Variants in LRP1B observed in about 807,000 individuals in gnomAD.
The protein encoded by LRP1B is low-density lipoprotein receptor-related protein 1B.
LRP1B carries 217 observed loss-of-function variants against 556.6 expected under a neutral mutation model. The ratio of observed to expected loss-of-function variants is 0.39; its 90% CI spans 0.35 to 0.44. The LOEUF (loss-of-function observed/expected upper bound fraction) is 0.44. LRP1B is among the 20% of genes least tolerant of loss of function. The pLI, the probability that LRP1B is intolerant of heterozygous loss-of-function variation, is 1.00. For missense variants in LRP1B, 5,053 were observed against 5,620.8 expected (o/e 0.90, Z 3.23); for synonymous variants, 2,047 against 1,865.8 (o/e 1.10, Z -2.50).
chr2:141,664,495 G>A (rs923555160), intron 2 of LRP1B, among the ~76,000 whole-genome samples: 1 of 152,152 alleles, frequency 6.6e-6, no homozygotes, highest in Non-Finnish European at 1.5e-5. Flanking sequence ...TAGCTGATTA[G>A]CAACTTCAGC....
chr2:140,391,551 T>C lies in LRP1B; in HGVS notation c.10415-5542A>G, dbSNP rs149879238. ...ATTAAAATTACCTTGCTATTAGAATTGCAAGGAGTTTTTAAAAACCCAATT... is the reference window on the plus strand; with the variant it reads ...ATTAAAATTACCTTGCTATTAGAATCGCAAGGAGTTTTTAAAAACCCAATT... On this transcript the variant is annotated intron_variant, in intron 66 of 90. Coordinates refer to ENST00000389484, the MANE Select transcript of LRP1B (RefSeq NM_018557.3). Among the ~76,000 whole-genome samples the C allele has an allele frequency of 4.2e-3, 638 of 152,258 alleles. 4 individuals are homozygous for C. Among genetic ancestry groups the C allele is most frequent in the South Asian group, 0.017 (84 of 4,824 alleles).
At chr2:141,704,661 T>C (rs1692072415) in intron 2 of LRP1B, among the ~76,000 whole-genome samples, 1 of 151,912 alleles carries the variant, frequency 6.6e-6, no homozygotes. Flanking sequence ...TTAGCAGTCA[T>C]CTCAGACTAG....
intron 1 of LRP1B, among the ~76,000 whole-genome samples, chr2:141,816,217 G>T (rs1406643175): frequency 6.6e-6 from 1 of 152,156 alleles, no homozygotes; most frequent in Non-Finnish European, 1.5e-5. Context: ...TGCATTGAAG[G>T]ATGCAAAGTA....
intron 2 of LRP1B, among the ~76,000 whole-genome samples, chr2:141,583,657 T>C (rs1336194137): frequency 6.6e-6 from 1 of 151,636 alleles, no homozygotes; most frequent in East Asian, 1.9e-4. Flanking sequence ...ATTATATATA[T>C]AAACTATGAA....
chr2:140,334,630 A>T, intron 78 of LRP1B, 71 bp from the exon 79 acceptor site: 1 of 800,594 alleles, frequency 1.2e-6, no homozygotes, highest in Non-Finnish European at 2.0e-6. Context: ...TCCGCAAAGC[A>T]GTGGCTCTTC....
intron 59 of LRP1B, among the ~76,000 whole-genome samples, chr2:140,483,615 C>CACACATATATATATAT (rs1403726877): frequency 2.8e-4 from 25 of 88,348 alleles, no homozygotes; most frequent in Non-Finnish European, 5.2e-4. Flanking sequence ...CACACACACA[C>CACACATATATATATAT]ATATATATAT....
In LRP1B at chr2:141,643,644, C is replaced by G. The variant is rs79863754; in HGVS notation, c.206-163111G>C. ...GAGGAGTTTCCAGTATTTTGTCCCA[C>G]AAAAGTAGAAAATTGAGCTAAAAAG... On this transcript the variant is annotated intron_variant, in intron 2 of 90. Coordinates refer to ENST00000389484, the MANE Select transcript of LRP1B (RefSeq NM_018557.3). Among the ~76,000 whole-genome samples, 1,438 of 152,060 alleles carry G rather than the reference C, an allele frequency of 9.5e-3. 18 individuals are homozygous for G. Among genetic ancestry groups the G allele is most frequent in the African/African-American group, 0.033 (1,381 of 41,476 alleles).
chr2:141,385,856 A>G (rs1689814851), intron 3 of LRP1B, among the ~76,000 whole-genome samples: 1 of 152,182 alleles, frequency 6.6e-6, no homozygotes, highest in South Asian at 2.1e-4. Flanking sequence ...TGCAGGTCAT[A>G]CTGGTGCTAC....
intron 86 of LRP1B, among the ~76,000 whole-genome samples, chr2:140,252,605 TTCTC>T (rs1166167084): frequency 6.6e-6 from 1 of 152,072 alleles, no homozygotes; most frequent in African/African-American, 2.4e-5. Context: ...TTTCCTTTCT[TTCTC>T]ATGCCCAGGA....
At chr2:141,838,254 G>C (rs1360429751) in intron 1 of LRP1B, among the ~76,000 whole-genome samples, 3 of 151,966 alleles carry the variant, frequency 2.0e-5, no homozygotes, top group African/African-American at 7.2e-5. Context: ...AGGAAGGTTT[G>C]AACAAAATGC....
In LRP1B at chr2:142,009,519, G is replaced by GT. The variant is rs140250335; in HGVS notation, c.82+121128dup. On this transcript the variant is annotated intron_variant, in intron 1 of 90. Transcript: ENST00000389484. ...GTGCTAGGCCTTCAGATTTTTGCACGTGTTGTATGGGATCCTCTCACTCAA... is the reference window on the plus strand; with the variant it reads ...GTGCTAGGCCTTCAGATTTTTGCACGTTGTTGTATGGGATCCTCTCACTCAA... 8.1e-3 allele frequency among the ~76,000 whole-genome samples: 1,226 copies of GT among 152,184 alleles called. 15 individuals are homozygous for GT. Among genetic ancestry groups the GT allele is most frequent in the Non-Finnish European group, 9.5e-3 (644 of 68,030 alleles).
chr2:141,116,152 T>A (rs1346478976), intron 7 of LRP1B, among the ~76,000 whole-genome samples: 1 of 152,150 alleles, frequency 6.6e-6, no homozygotes, highest in African/African-American at 2.4e-5. Flanking sequence ...TTTAGATTCC[T>A]AAAGTAAAAA....
At chr2:141,864,591 G>C (rs902751238) in intron 1 of LRP1B, among the ~76,000 whole-genome samples, 7 of 151,218 alleles carry the variant, frequency 4.6e-5, no homozygotes, top group Non-Finnish European at 8.8e-5. Context: ...TTATGAAACT[G>C]GAGGAATGCG....
At position 140,792,254 on chromosome 2, in the gene LRP1B, G is replaced by A. The variant is rs182014454; in HGVS notation, c.5360-16016C>T. Reference sequence around the variant, plus strand: ...TACACATAAAATATTAATAAATATCGTATGCCTTTTCTCCTGTCAATCTAT... The same window carrying A: ...TACACATAAAATATTAATAAATATCATATGCCTTTTCTCCTGTCAATCTAT... On this transcript the variant is annotated intron_variant, in intron 32 of 90. Transcript: ENST00000389484. Among the ~76,000 whole-genome samples, 250 of 151,890 alleles carry A rather than the reference G, an allele frequency of 1.6e-3. 1 individual carries two copies. Among genetic ancestry groups the A allele is most frequent in the African/African-American group, 4.9e-3 (205 of 41,442 alleles).
intron 11 of LRP1B, among the ~76,000 whole-genome samples, chr2:141,026,051 T>C (rs1698208179): frequency 6.6e-6 from 1 of 152,030 alleles, no homozygotes; most frequent in Non-Finnish European, 1.5e-5. Flanking sequence ...TAACACCATT[T>C]TACTACCTAA....
chr2:140,578,841 A>C (rs1219018011), intron 43 of LRP1B, among the ~76,000 whole-genome samples: 2 of 143,112 alleles, frequency 1.4e-5, no homozygotes, highest in Non-Finnish European at 1.5e-5. Flanking sequence ...TTACTTAATT[A>C]ATCTTGTTTA....
At chr2:140,715,905 G>GT (rs939138523) in intron 37 of LRP1B, 68 bp downstream of exon 37, 156 of 1,301,534 alleles carry the variant, frequency 1.2e-4, no homozygotes, top group Admixed American at 1.6e-4. Context: ...AAAGTAATTA[G>GT]TTTTTTTTCA....
chr2:141,979,614 C>A (rs757947931), intron 1 of LRP1B, among the ~76,000 whole-genome samples: 12 of 151,940 alleles, frequency 7.9e-5, no homozygotes, highest in South Asian at 2.1e-4. Flanking sequence ...GTTATCTTGC[C>A]GTCTTGTGTG....
chr2:140,542,875 G>T (rs531012629), intron 43 of LRP1B, among the ~76,000 whole-genome samples: 22 of 152,224 alleles, frequency 1.4e-4, no homozygotes, highest in African/African-American at 5.3e-4. Context: ...ACATGTGTGC[G>T]AGCCAACTCC....
Sources: allele counts gnomAD v4.1 joint callset (sites outside exome capture counted in the v4.1 genomes callset), GRCh38; gene constraint gnomAD v4.1.1; transcripts MANE v1.5; gene names NCBI Gene and HGNC (gene_info 2026-07-23, HGNC 2026-07-21).